Variants in EPS15 observed in about 807,000 individuals in gnomAD.
The protein encoded by EPS15 is epidermal growth factor receptor pathway substrate 15, also known as epidermal growth factor receptor substrate 15.
Under a neutral mutation model 113.8 loss-of-function variants are expected in EPS15, and 72 were observed. The ratio of observed to expected loss-of-function variants is 0.63; its 90% CI spans 0.52 to 0.77. EPS15 has a LOEUF of 0.77. Among genes scored for constraint, EPS15 ranks in the 30% least tolerant of loss-of-function variants. EPS15 has a pLI of 0.00. For missense variants in EPS15, 1,048 were observed against 1,045.8 expected (o/e 1.00, Z -0.03); for synonymous variants, 344 against 363.4 (o/e 0.95, Z 0.61).
chr1:51,469,626 C>T (rs1048712737), intron 4 of EPS15, among the ~76,000 whole-genome samples: 2 of 152,138 alleles, frequency 1.3e-5, no homozygotes, highest in South Asian at 2.1e-4. Flanking sequence ...TCTGAAATCC[C>T]GTACTCTCCC....
chr1:51,359,317 G>A (rs1384502089), intron 24 of EPS15, among the ~76,000 whole-genome samples: 3 of 151,510 alleles, frequency 2.0e-5, no homozygotes, highest in African/African-American at 7.3e-5. Flanking sequence ...GGTGGTGCGT[G>A]CCTGTAGTCC....
At chr1:51,388,677 A>C (rs979339827) in intron 21 of EPS15, among the ~76,000 whole-genome samples, 1 of 152,198 alleles carries the variant, frequency 6.6e-6, no homozygotes, top group African/African-American at 2.4e-5. Flanking sequence ...CCATCAGAGA[A>C]TACTACAAAC....
At chr1:51,361,855 G>C (rs970873492) in intron 23 of EPS15, among the ~76,000 whole-genome samples, 4 of 152,084 alleles carry the variant, frequency 2.6e-5, no homozygotes, top group Admixed American at 6.5e-5. Context: ...ATACCTAAGA[G>C]CATAAAATTT....
chr1:51,496,143 T>C (rs1369326685), intron 1 of EPS15, among the ~76,000 whole-genome samples: 2 of 152,178 alleles, frequency 1.3e-5, no homozygotes, highest in Non-Finnish European at 1.5e-5. Context: ...CCATTTAACC[T>C]GAGGCACATA....
At chr1:51,473,831 A>G (rs1464391900) in intron 2 of EPS15, among the ~76,000 whole-genome samples, 2 of 152,226 alleles carry the variant, frequency 1.3e-5, no homozygotes, top group African/African-American at 4.8e-5. Flanking sequence ...AGCAAAAGGG[A>G]AAACCTTTCT....
chr1:51,357,422 A>T (rs1304204055), intron 24 of EPS15, among the ~76,000 whole-genome samples: 87 of 71,038 alleles, frequency 1.2e-3, no homozygotes, highest in East Asian at 7.4e-3. Context: ...ATATATATAT[A>T]TATATTTTTT....
intron 1 of EPS15, among the ~76,000 whole-genome samples, chr1:51,514,321 A>C (rs1277702990): frequency 6.6e-6 from 1 of 152,104 alleles, no homozygotes; most frequent in African/African-American, 2.4e-5. Context: ...AACTAACCAG[A>C]TCTCTCTCAG....
At chr1:51,366,053 T>TTA (rs1557769602) in intron 21 of EPS15, 24 bp from the exon 22 acceptor site, 5 of 1,551,134 alleles carry the variant, frequency 3.2e-6, no homozygotes, top group Non-Finnish European at 4.4e-6. Flanking sequence ...AGAAAATAAA[T>TTA]GAAACAGGAC....
intron 21 of EPS15, among the ~76,000 whole-genome samples, chr1:51,386,750 A>G (rs1056915424): frequency 9.9e-5 from 15 of 152,218 alleles, no homozygotes; most frequent in African/African-American, 3.4e-4. Flanking sequence ...GAAATGAAGC[A>G]AGAAGGGAAG....
rs1300849810 is a variant in EPS15, at chr1:51,356,087, A to G, written c.*613T>C. The G allele has an allele frequency of 4.9e-6, 1 of 203,614 alleles. No homozygotes were observed. The highest frequency in any genetic ancestry group is 2.3e-5 in the African/African-American group (1 of 43,688). 12.6% of individuals were successfully genotyped at this position (203,614 alleles called of 1,614,324 possible). ...GAGGCTTTAATATTTTTAGTTAGGA[A>G]AAGATCGAATCTGAGGCTATAATGG... is the stretch of plus-strand genomic sequence containing the variant. On this transcript the variant is annotated 3_prime_UTR_variant, in exon 25 of 25. Coordinates refer to ENST00000371733, the MANE Select transcript of EPS15 (RefSeq NM_001981.3).
At chr1:51,505,616 C>G (rs547243841) in intron 1 of EPS15, among the ~76,000 whole-genome samples, 1 of 152,032 alleles carries the variant, frequency 6.6e-6, no homozygotes, top group Non-Finnish European at 1.5e-5. Context: ...TGTGAAGAGA[C>G]TAAAAACCAC....
intron 24 of EPS15, among the ~76,000 whole-genome samples, chr1:51,358,947 G>A (rs1400300937): frequency 6.6e-6 from 1 of 151,564 alleles, no homozygotes; most frequent in Non-Finnish European, 1.5e-5. Flanking sequence ...CAAGTGATCC[G>A]CCCGCTTCGG....
chr1:51,487,593 C>T (rs1644149004), intron 1 of EPS15, among the ~76,000 whole-genome samples: 1 of 152,012 alleles, frequency 6.6e-6, no homozygotes. Flanking sequence ...AAATATGTTC[C>T]CTCAATAATA....
intron 20 of EPS15, 85 bp from the exon 21 acceptor site, chr1:51,394,532 T>G: frequency 2.9e-6 from 2 of 688,906 alleles, no homozygotes; most frequent in Non-Finnish European, 4.8e-6. Flanking sequence ...ATATATTCTT[T>G]ACAAATTCTT....
chr1:51,490,948 G>C (rs1644221844), intron 1 of EPS15, among the ~76,000 whole-genome samples: 1 of 152,058 alleles, frequency 6.6e-6, no homozygotes, highest in African/African-American at 2.4e-5. Context: ...TTACAATTAG[G>C]GAAAATTGGA....
chr1:51,446,398 T>C (rs1653048399), intron 10 of EPS15, among the ~76,000 whole-genome samples: 1 of 152,074 alleles, frequency 6.6e-6, no homozygotes, highest in African/African-American at 2.4e-5. Flanking sequence ...GTTTAATTGA[T>C]ATAAACAGAA....
chr1:51,480,323 C>T (rs139476126), intron 2 of EPS15, among the ~76,000 whole-genome samples: 192 of 152,312 alleles, frequency 1.3e-3, no homozygotes, highest in African/African-American at 4.4e-3. Flanking sequence ...TCTACACCTT[C>T]AAGAAATTAT....
rs1646198699 is a variant in EPS15 at position 51,355,470 on chromosome 1, G to C, written c.*1230C>G. 1.5e-5 allele frequency: 3 copies of C among 194,926 alleles called. No individual in the cohort carries two copies. Among genetic ancestry groups the C allele is most frequent in the South Asian group, 1.9e-4 (1 of 5,212 alleles). 12.1% of individuals were successfully genotyped at this position (194,926 alleles called of 1,614,324 possible). A position where few individuals can be genotyped will look rare whatever the true frequency, so the allele number is the denominator to read the frequency against. On this transcript the variant is annotated 3_prime_UTR_variant, in exon 25 of 25. Coordinates refer to ENST00000371733, the MANE Select transcript of EPS15 (RefSeq NM_001981.3). The stretch of plus-strand genomic sequence containing the variant: ...ATTTCAAATTCAGCTTGTCCACTAG[G>C]TCAGTTTTACAGGAGATGGTCTTTT...
chr1:51,419,689 G>A (rs1277750819), intron 13 of EPS15, among the ~76,000 whole-genome samples: 1 of 152,050 alleles, frequency 6.6e-6, no homozygotes, highest in South Asian at 2.1e-4. Flanking sequence ...GTTGCCTTTT[G>A]CCAGGGAAAT....
Sources: allele counts gnomAD v4.1 joint callset (sites outside exome capture counted in the v4.1 genomes callset), GRCh38; gene constraint gnomAD v4.1.1; transcripts MANE v1.5; gene names NCBI Gene and HGNC (gene_info 2026-07-23, HGNC 2026-07-21).